Variants in ERBB4 observed in about 807,000 individuals in gnomAD.
ERBB4 encodes the protein erb-b2 receptor tyrosine kinase 4.
In ERBB4, 42 loss-of-function variants were observed where a neutral mutation model predicts 158.0. The ratio of observed to expected loss-of-function variants is 0.27; its 90% CI spans 0.21 to 0.34. ERBB4 has a LOEUF of 0.34. Among genes scored for constraint, ERBB4 ranks in the 10% least tolerant of loss-of-function variants. ERBB4 has a pLI of 1.00. For missense variants in ERBB4, 1,333 were observed against 1,624.1 expected (o/e 0.82, Z 3.08); for synonymous variants, 583 against 558.7 (o/e 1.04, Z -0.61).
chr2:211,723,254 G>T (rs1205530309), intron 6 of ERBB4, among the ~76,000 whole-genome samples: 2 of 152,052 alleles, frequency 1.3e-5, no homozygotes, highest in African/African-American at 4.8e-5. Flanking sequence ...ATTCATTTGG[G>T]AAGAATTAAA....
At chr2:211,439,173 C>A (rs575553929) in intron 20 of ERBB4, among the ~76,000 whole-genome samples, 14 of 152,264 alleles carry the variant, frequency 9.2e-5, no homozygotes, top group African/African-American at 3.4e-4. Context: ...AATGCTCTAT[C>A]TATGCTGCAA....
At chr2:212,341,807 G>A (rs775630885) in intron 1 of ERBB4, among the ~76,000 whole-genome samples, 1 of 152,070 alleles carries the variant, frequency 6.6e-6, no homozygotes, top group Non-Finnish European at 1.5e-5. Context: ...GGGCTTCAAA[G>A]GACCAACATA....
intron 20 of ERBB4, among the ~76,000 whole-genome samples, chr2:211,557,181 A>G (rs1169622505): frequency 6.6e-6 from 1 of 152,214 alleles, no homozygotes; most frequent in African/African-American, 2.4e-5. Flanking sequence ...AACGTAGACA[A>G]TACCATTCAG....
At chr2:211,859,632 T>A (rs2077962139) in intron 3 of ERBB4, among the ~76,000 whole-genome samples, 1 of 152,176 alleles carries the variant, frequency 6.6e-6, no homozygotes, top group Non-Finnish European at 1.5e-5. Context: ...GAATCCTGAC[T>A]TTGTAGTGAA....
At chr2:212,024,169 A>G (rs1156335607) in intron 2 of ERBB4, among the ~76,000 whole-genome samples, 1 of 151,958 alleles carries the variant, frequency 6.6e-6, no homozygotes, top group East Asian at 1.9e-4. Flanking sequence ...TTAATCAAGC[A>G]TAAATGGACA....
chr2:211,968,181 A>G (rs1298393379), intron 2 of ERBB4, among the ~76,000 whole-genome samples: 1 of 151,916 alleles, frequency 6.6e-6, no homozygotes, highest in Admixed American at 6.6e-5. Context: ...TTTTCATCTC[A>G]CAAACTTGTG....
At chr2:212,255,464 T>C (rs1244194652) in intron 1 of ERBB4, among the ~76,000 whole-genome samples, 1 of 152,162 alleles carries the variant, frequency 6.6e-6, no homozygotes, top group Non-Finnish European at 1.5e-5. Context: ...AGGGCAAATA[T>C]ATAAATAAAA....
intron 20 of ERBB4, among the ~76,000 whole-genome samples, chr2:211,560,415 C>T (rs1272263623): frequency 6.6e-6 from 1 of 151,504 alleles, no homozygotes; most frequent in African/African-American, 2.4e-5. Flanking sequence ...GCTGGGATTA[C>T]AGGCATGTGC....
chr2:211,954,649 G>C lies in ERBB4; in HGVS notation c.235-7033C>G, dbSNP rs534546037. ...GAAGAGTAGGGAACAGAGAACTATG[G>C]TGGTAAGAGGGGGGGTAATAGAAAG... On this transcript the variant is annotated intron_variant, in intron 2 of 27. Coordinates refer to ENST00000342788, the MANE Select transcript of ERBB4 (RefSeq NM_005235.3). Among the ~76,000 whole-genome samples, 4 of 152,106 alleles carry C rather than the reference G, an allele frequency of 2.6e-5. No individual in the cohort carries two copies. The East Asian group carries it at 7.7e-4, about 29-fold the overall frequency.
Position 211,603,891 on chromosome 2 carries a change from G to A in ERBB4, c.2301+15286C>T, listed in dbSNP as rs939725509. On this transcript the variant is annotated intron_variant, in intron 19 of 27. Coordinates refer to ENST00000342788, the MANE Select transcript of ERBB4 (RefSeq NM_005235.3). ...AAATTTCTAGTTCCAGGTCATTCCT[G>A]AGGCATAGCTGTATTCCTGCTATTT... 1.1e-4 allele frequency among the ~76,000 whole-genome samples: 16 copies of A among 152,304 alleles called. No individual in the cohort carries two copies. In the South Asian group the frequency reaches 2.1e-3, roughly 20 times the overall value.
rs572169197 is a variant in ERBB4, at chr2:211,619,426, T to C, written c.2203-151A>G. The C allele has an allele frequency of 9.2e-5, 58 of 627,304 alleles. No individual in the cohort carries two copies. In the South Asian group the frequency reaches 1.0e-3, roughly 11 times the overall value. 38.9% of individuals were successfully genotyped at this position (627,304 alleles called of 1,614,324 possible). A position where few individuals can be genotyped will look rare whatever the true frequency, so the allele number is the denominator to read the frequency against. ...CAAGTTACTCTGCAACTTTGTTGTC[T>C]GCTTTCATTATCTGAGGATGTTGCT... On this transcript the variant is annotated intron_variant, in intron 18 of 27. Transcript: ENST00000342788.
At chr2:211,997,765 C>G (rs2082234303) in intron 2 of ERBB4, among the ~76,000 whole-genome samples, 1 of 151,946 alleles carries the variant, frequency 6.6e-6, no homozygotes, top group African/African-American at 2.4e-5. Flanking sequence ...GACTGCATTA[C>G]TTATATTGTC....
chr2:211,548,809 G>C (rs2067006989), intron 20 of ERBB4, among the ~76,000 whole-genome samples: 1 of 152,048 alleles, frequency 6.6e-6, no homozygotes, highest in Non-Finnish European at 1.5e-5. Flanking sequence ...CCCTTCTGCT[G>C]CTGCAGTTAG....
At position 211,630,448 on chromosome 2, in the gene ERBB4, A is replaced by G; in HGVS notation, c.2079+14T>C. The G allele has an allele frequency of 6.2e-7, 1 of 1,612,882 alleles. No individual in the cohort carries two copies. Among genetic ancestry groups the G allele is most frequent in the Non-Finnish European group, 8.5e-7 (1 of 1,179,014 alleles). ...AATCCCCAAACACATGAAGAGGAGA[A>G]AGAAATACCTCACCTCTGTTTCCAA... On this transcript the variant is annotated intron_variant, in intron 17 of 27. Coordinates refer to ENST00000342788, the MANE Select transcript of ERBB4 (RefSeq NM_005235.3).
chr2:211,544,360 A>C (rs1368566652), intron 20 of ERBB4, among the ~76,000 whole-genome samples: 1 of 152,052 alleles, frequency 6.6e-6, no homozygotes, highest in African/African-American at 2.4e-5. Context: ...TCATTTAATT[A>C]AGGCAAAAAA....
At position 211,562,769 on chromosome 2, in the gene ERBB4, C is replaced by CTTTTTTTTTTTTTTTTTTTTTTTTTTT. The variant is rs367801279; in HGVS notation, c.2302-682_2302-681insAAAAAAAAAAAAAAAAAAAAAAAAAAA. Among the ~76,000 whole-genome samples the CTTTTTTTTTTTTTTTTTTTTTTTTTTT allele has an allele frequency of 1.0e-4, 13 of 125,706 alleles. 1 individual carries two copies. The highest frequency in any genetic ancestry group is 2.5e-4 in the African/African-American group (7 of 28,298). 82.5% of individuals were successfully genotyped at this position (125,706 alleles called of 152,430 possible). A position where few individuals can be genotyped will look rare whatever the true frequency, so the allele number is the denominator to read the frequency against. On this transcript the variant is annotated intron_variant, in intron 19 of 27. Transcript: ENST00000342788. ...GACTATAAAAATTTGACTACTCCAACTTTTTTTTTTTTTTTTTTTTGAGAC... is the reference window on the plus strand; with the variant it reads ...GACTATAAAAATTTGACTACTCCAACTTTTTTTTTTTTTTTTTTTTTTTTTTTTTTTTTTTTTTTTTTTTTTTGAGAC...
At chr2:212,425,971 T>C (rs2091903342) in intron 1 of ERBB4, among the ~76,000 whole-genome samples, 1 of 152,020 alleles carries the variant, frequency 6.6e-6, no homozygotes, top group African/African-American at 2.4e-5. Context: ...ATTATAATCA[T>C]AAACTTTTCT....
chr2:212,064,189 T>C lies in ERBB4; in HGVS notation c.234+60563A>G, dbSNP rs542080867. 1.5e-4 allele frequency among the ~76,000 whole-genome samples: 23 copies of C among 152,234 alleles called. No individual in the cohort carries two copies. In the South Asian group the frequency reaches 2.9e-3, roughly 19 times the overall value. On this transcript the variant is annotated intron_variant, in intron 2 of 27. Transcript: ENST00000342788. ...AGAAAAATAACAAAAACCAAAACTA[T>C]TATTTACAAAGGCCTGAAGCATACC...
At chr2:212,219,934 A>C (rs972483044) in intron 1 of ERBB4, among the ~76,000 whole-genome samples, 2 of 145,386 alleles carry the variant, frequency 1.4e-5, no homozygotes, top group African/African-American at 5.1e-5. Flanking sequence ...CAGGAATGAA[A>C]AATGTATTTT....
Sources: allele counts gnomAD v4.1 joint callset (sites outside exome capture counted in the v4.1 genomes callset), GRCh38; gene constraint gnomAD v4.1.1; transcripts MANE v1.5; gene names NCBI Gene and HGNC (gene_info 2026-07-23, HGNC 2026-07-21).